Variants in GTF2E2 observed in about 807,000 individuals in gnomAD.
GTF2E2 encodes the protein transcription initiation factor IIE subunit beta.
A neutral mutation model predicts 40.5 loss-of-function variants in GTF2E2; 21 were observed. That is an observed-to-expected ratio of 0.52 (90% CI 0.37 to 0.75). The LOEUF is 0.75. Ranked by LOEUF, GTF2E2 falls within the 30% of genes least tolerant of loss-of-function variation. The pLI is 0.00. For missense variants in GTF2E2, 298 were observed against 338.4 expected, an observed-to-expected ratio of 0.88 and a Z score of 0.94; for synonymous variants, 117 against 121.6, an observed-to-expected ratio of 0.96 and a Z score of 0.25.
rs1382282402 is a variant in GTF2E2 at position 30,585,569 on chromosome 8, AT to A, written c.644-5174del. Among the ~76,000 whole-genome samples, 4 of 152,238 alleles carry A rather than the reference AT, an allele frequency of 2.6e-5. No homozygotes were observed. The East Asian group carries it at 7.7e-4, about 29-fold the overall frequency. On this transcript the variant is annotated intron_variant, in intron 6 of 7. Coordinates refer to ENST00000355904, the MANE Select transcript of GTF2E2 (RefSeq NM_002095.6). ...AATACAGTTTGCTTAGAGAATTTTCATTTTTTTGTTCTGCAGACTTGACAAA... is the reference window on the plus strand; with the variant it reads ...AATACAGTTTGCTTAGAGAATTTTCATTTTTTGTTCTGCAGACTTGACAAA...
chr8:30,593,883 T>C (rs1828916641), intron 6 of GTF2E2, among the ~76,000 whole-genome samples: 1 of 152,202 alleles, frequency 6.6e-6, no homozygotes, highest in South Asian at 2.1e-4. Context: ...TTGCACAGTA[T>C]ATCATTTTAC....
intron 3 of GTF2E2, among the ~76,000 whole-genome samples, chr8:30,620,382 G>A (rs1335860193): frequency 6.6e-6 from 1 of 151,860 alleles, no homozygotes; most frequent in African/African-American, 2.4e-5. Context: ...AACCTAAAAC[G>A]AGACCTTCAT....
At chr8:30,624,502 T>C (rs1801210314) in intron 3 of GTF2E2, among the ~76,000 whole-genome samples, 2 of 152,148 alleles carry the variant, frequency 1.3e-5, no homozygotes, top group Admixed American at 1.3e-4. Flanking sequence ...CGGGCTCTTT[T>C]TTGGTTCCAT....
chr8:30,588,766 A>G (rs1828754725), intron 6 of GTF2E2, among the ~76,000 whole-genome samples: 1 of 152,198 alleles, frequency 6.6e-6, no homozygotes. Flanking sequence ...AGCCTCTGGA[A>G]GCTGAAAAGG....
chr8:30,631,156 G>A (rs920868667), intron 3 of GTF2E2, among the ~76,000 whole-genome samples: 11 of 152,062 alleles, frequency 7.2e-5, no homozygotes, highest in Non-Finnish European at 1.3e-4. Flanking sequence ...AAGTAGCTGC[G>A]GTTACAGGCA....
At chr8:30,652,354 A>T (rs1460226871) in intron 2 of GTF2E2, among the ~76,000 whole-genome samples, 1 of 152,176 alleles carries the variant, frequency 6.6e-6, no homozygotes. Flanking sequence ...ATATATGAAG[A>T]ATTATTAAAT....
At chr8:30,581,411 C>G (rs1477739361) in intron 6 of GTF2E2, among the ~76,000 whole-genome samples, 1 of 152,142 alleles carries the variant, frequency 6.6e-6, no homozygotes, top group Non-Finnish European at 1.5e-5. Flanking sequence ...TTTCCTTTTC[C>G]CCTTTTCCTT....
At chr8:30,636,642 C>T (rs1471520017) in intron 2 of GTF2E2, among the ~76,000 whole-genome samples, 2 of 152,058 alleles carry the variant, frequency 1.3e-5, no homozygotes, top group South Asian at 2.1e-4. Flanking sequence ...CCCAGGTGGG[C>T]AGATCATGAG....
At chr8:30,580,541 T>C (rs570802418) in intron 6 of GTF2E2, 145 bp from the exon 7 acceptor site, 41 of 618,524 alleles carry the variant, frequency 6.6e-5, no homozygotes, top group African/African-American at 4.6e-4. Context: ...GGGCAGAACA[T>C]CCACATGTGG....
chr8:30,635,038 G>C lies in GTF2E2; in HGVS notation c.252C>G (p.Tyr84Ter). The part of the protein sequence containing the change: ...KFGVLAKIVN[Y>*]MKTRHQRGDT... ...ATCTGAGAAAAGTACTTACCTTCAT[G>C]TAATTCACAATCTTAGCAAGAACAC... Residue 84 changes from tyrosine (Y) to a stop codon, truncating the protein, a stop_gained, in exon 3 of 8, where the codon TAC becomes TAG. Transcript: ENST00000355904. LOFTEE classifies it high-confidence loss of function. 6.4e-7 allele frequency: 1 copy of C among 1,569,416 alleles called. No individual in the cohort carries two copies. Among genetic ancestry groups the C allele is most frequent in the Non-Finnish European group, 8.8e-7 (1 of 1,142,470 alleles).
intron 3 of GTF2E2, among the ~76,000 whole-genome samples, chr8:30,617,807 A>T (rs1271320977): frequency 2.0e-5 from 3 of 152,040 alleles, no homozygotes; most frequent in Middle Eastern, 3.4e-3. Context: ...ATCTTCAATC[A>T]GAAGAAATGA....
At chr8:30,595,224 C>G (rs995796736) in intron 6 of GTF2E2, among the ~76,000 whole-genome samples, 1 of 152,176 alleles carries the variant, frequency 6.6e-6, no homozygotes, top group Admixed American at 6.5e-5. Flanking sequence ...GAACAGTATA[C>G]TAGACCAATT....
intron 3 of GTF2E2, among the ~76,000 whole-genome samples, chr8:30,631,437 A>G (rs976464981): frequency 6.6e-6 from 1 of 152,232 alleles, no homozygotes; most frequent in Admixed American, 6.5e-5. Context: ...TTTAAATATA[A>G]AAGAAATACT....
chr8:30,595,078 C>G (rs966822830), intron 6 of GTF2E2, among the ~76,000 whole-genome samples: 1 of 152,140 alleles, frequency 6.6e-6, no homozygotes, highest in East Asian at 1.9e-4. Context: ...TCCATTTTAT[C>G]TCCACTATTG....
At chr8:30,639,789 C>A (rs1389211483) in intron 2 of GTF2E2, among the ~76,000 whole-genome samples, 1 of 149,860 alleles carries the variant, frequency 6.7e-6, no homozygotes, top group Non-Finnish European at 1.5e-5. Context: ...TTCATAATTT[C>A]TATTCCTTTT....
intron 6 of GTF2E2, among the ~76,000 whole-genome samples, chr8:30,592,019 C>T (rs7831616): frequency 0.34 from 52,144 of 151,970 alleles, 8,983 homozygotes; most frequent in African/African-American, 0.4. Flanking sequence ...CTTTCACTTT[C>T]ATTTAATGCA....
chr8:30,645,345 T>G (rs1563508572), intron 2 of GTF2E2: 2 of 1,535,720 alleles, frequency 1.3e-6, no homozygotes, highest in East Asian at 4.9e-5. Flanking sequence ...CCACTACCTC[T>G]GTTTATCAGT....
chr8:30,648,795 G>A (rs910464983), intron 2 of GTF2E2, among the ~76,000 whole-genome samples: 4 of 152,226 alleles, frequency 2.6e-5, no homozygotes, highest in African/African-American at 9.6e-5. Flanking sequence ...TAAACATGTA[G>A]TATGAAGGAG....
At chr8:30,649,757 A>G (rs1489549259) in intron 2 of GTF2E2, among the ~76,000 whole-genome samples, 2 of 152,204 alleles carry the variant, frequency 1.3e-5, no homozygotes, top group South Asian at 4.1e-4. Context: ...TGAGAGACAG[A>G]GCAAGACTCC....
Sources: allele counts gnomAD v4.1 joint callset (sites outside exome capture counted in the v4.1 genomes callset), GRCh38; gene constraint gnomAD v4.1.1; transcripts MANE v1.5; gene names NCBI Gene and HGNC (gene_info 2026-07-23, HGNC 2026-07-21).